ABHD12: variants seen among roughly 807,000 people sequenced by gnomAD.
ABHD12 encodes the protein abhydrolase domain containing 12, lysophospholipase.
A neutral mutation model predicts 58.3 loss-of-function variants in ABHD12; 43 were observed. That is an observed-to-expected ratio of 0.74 (90% CI 0.58 to 0.95). The LOEUF (loss-of-function observed/expected upper bound fraction) is 0.95. Among genes scored for constraint, ABHD12 ranks in the 40% least tolerant of loss-of-function variants. ABHD12 has a pLI of 0.00. For missense variants in ABHD12, 539 were observed against 537.2 expected, an observed-to-expected ratio of 1.00 and a Z score of -0.03; for synonymous variants, 219 against 211.2, an observed-to-expected ratio of 1.04 and a Z score of -0.32.
At chr20:25,386,836 G>A (rs1047594166) in intron 1 of ABHD12, among the ~76,000 whole-genome samples, 4 of 151,948 alleles carry the variant, frequency 2.6e-5, no homozygotes, top group Non-Finnish European at 4.4e-5. Context: ...ACCCGAGATC[G>A]TGCCACTGCA....
At chr20:25,378,660 A>T (rs1345354247) in intron 1 of ABHD12, among the ~76,000 whole-genome samples, 4 of 150,174 alleles carry the variant, frequency 2.7e-5, no homozygotes, top group African/African-American at 9.8e-5. Context: ...TTGTTTGAAG[A>T]CTCCACCAGC....
chr20:25,387,721 C>G (rs1434539475), intron 1 of ABHD12, among the ~76,000 whole-genome samples: 1 of 151,628 alleles, frequency 6.6e-6, no homozygotes, highest in East Asian at 1.9e-4. Context: ...GCCTGGGTGA[C>G]GGAACTTTCT....
intron 1 of ABHD12, among the ~76,000 whole-genome samples, chr20:25,374,655 G>A (rs1263978807): frequency 7.2e-5 from 11 of 152,042 alleles, no homozygotes; most frequent in Non-Finnish European, 2.9e-5. Flanking sequence ...CACCACACCC[G>A]GCTAATTTTG....
chr20:25,308,751 C>G (rs1273772418), intron 7 of ABHD12, among the ~76,000 whole-genome samples: 1 of 152,162 alleles, frequency 6.6e-6, no homozygotes, highest in Non-Finnish European at 1.5e-5. Flanking sequence ...CCTCTCACTG[C>G]CCGTACACTC....
chr20:25,388,308 A>G (rs2090121615), intron 1 of ABHD12, among the ~76,000 whole-genome samples: 1 of 152,234 alleles, frequency 6.6e-6, no homozygotes, highest in African/African-American at 2.4e-5. Context: ...TGTTCATTCA[A>G]CAAGTATTTT....
At chr20:25,360,019 A>G (rs2089723425) in intron 1 of ABHD12, among the ~76,000 whole-genome samples, 1 of 151,846 alleles carries the variant, frequency 6.6e-6, no homozygotes, top group African/African-American at 2.4e-5. Context: ...TACTCTATTC[A>G]TCTTTTTCTT....
Position 25,309,454 on chromosome 20 carries a change from CAG to C in ABHD12, c.739_740del (p.Leu247GlyfsTer14). The C allele has an allele frequency of 6.2e-7, 1 of 1,614,150 alleles. No homozygotes were observed. Among genetic ancestry groups the C allele is most frequent in the Non-Finnish European group, 8.5e-7 (1 of 1,180,018 alleles). On this transcript the variant is annotated frameshift_variant, in exon 7 of 13. Transcript: ENST00000339157. LOFTEE classifies it high-confidence loss of function. ...DNPVYIWGHS[L>X]GTGVATNLVR... is the part of the protein sequence containing the mutation. ...CTGCTGGGGTCCCTTACCCAGTGCC[CAG>C]AGAGTGGCCCCAGATGTACACGGGG...
chr20:25,346,990 A>G (rs2089528335), intron 1 of ABHD12, among the ~76,000 whole-genome samples: 1 of 152,196 alleles, frequency 6.6e-6, no homozygotes, highest in Non-Finnish European at 1.5e-5. Context: ...AATGTTACTC[A>G]TAGCTGTCAA....
intron 1 of ABHD12, among the ~76,000 whole-genome samples, chr20:25,359,411 G>A (rs1417526129): frequency 4.6e-5 from 5 of 107,644 alleles, no homozygotes; most frequent in African/African-American, 7.9e-5. Context: ...GCCACAGAGC[G>A]AGACTCCGTC....
intron 2 of ABHD12, among the ~76,000 whole-genome samples, chr20:25,325,558 G>A (rs961233342): frequency 6.6e-6 from 1 of 152,144 alleles, no homozygotes; most frequent in African/African-American, 2.4e-5. Flanking sequence ...ATGAGAAGAT[G>A]ACCAAGAAGA....
At chr20:25,317,676 G>C (rs1247197013) in intron 4 of ABHD12, among the ~76,000 whole-genome samples, 9 of 152,250 alleles carry the variant, frequency 5.9e-5, no homozygotes, top group Non-Finnish European at 7.3e-5. Context: ...TGAAGTGCCG[G>C]AACGGCTGCC....
chr20:25,328,725 A>C (rs1178958538), intron 2 of ABHD12, among the ~76,000 whole-genome samples: 1 of 152,176 alleles, frequency 6.6e-6, no homozygotes. Flanking sequence ...CATTCCAGGA[A>C]GCCAGTCTTC....
chr20:25,302,194 C>A, intron 12 of ABHD12, 25 bp downstream of exon 12: 1 of 1,612,506 alleles, frequency 6.2e-7, no homozygotes, highest in Non-Finnish European at 8.5e-7. Flanking sequence ...AGACGAAGCC[C>A]CTGGGTGGGA....
At chr20:25,330,421 A>G (rs6037089) in intron 2 of ABHD12, among the ~76,000 whole-genome samples, 3,805 of 152,342 alleles carry the variant, frequency 0.025, 148 homozygotes, top group African/African-American at 0.083. Context: ...TTGCTTAGGT[A>G]AACAAAGCAG....
intron 1 of ABHD12, among the ~76,000 whole-genome samples, chr20:25,383,139 T>C (rs892635048): frequency 6.6e-6 from 1 of 152,138 alleles, no homozygotes; most frequent in Non-Finnish European, 1.5e-5. Flanking sequence ...CAGGGACACT[T>C]AGAGGGTGAG....
rs773039836 is a variant in ABHD12, at chr20:25,390,476, G to GCCCCCCCCCC, written c.191+36_191+37insGGGGGGGGGG. On this transcript the variant is annotated intron_variant, in intron 1 of 12. Coordinates refer to ENST00000339157, the MANE Select transcript of ABHD12 (RefSeq NM_001042472.3). ...ACGCACCTGCGCAAAGTGAGGGACC[G>GCCCCCCCCCC]GCCCCCCCCCCCCCCCCGCTCCGCG... 1.4e-4 allele frequency: 142 copies of GCCCCCCCCCC among 1,035,008 alleles called. 34 individuals carry two copies. Among genetic ancestry groups the GCCCCCCCCCC allele is most frequent in the East Asian group, 9.6e-4 (5 of 5,184 alleles). 64.1% of individuals were successfully genotyped at this position (1,035,008 alleles called of 1,614,324 possible). A position where few individuals can be genotyped will look rare whatever the true frequency, so the allele number is the denominator to read the frequency against.
intron 1 of ABHD12, among the ~76,000 whole-genome samples, chr20:25,386,024 CCGG>C (rs1377595922): frequency 4.0e-5 from 6 of 151,630 alleles, no homozygotes; most frequent in African/African-American, 1.5e-4. Flanking sequence ...TGGCGTGAAC[CCGG>C]GAGGCAAAGC....
In ABHD12 at chr20:25,303,367, G is replaced by A. The variant is rs192049896; in HGVS notation, c.1029+183C>T. ...TACACCAGACCTCCCATGTCCTTCCGAAGCAGCCTGGAGGTGACGCAGGGA... is the reference window on the plus strand; with the variant it reads ...TACACCAGACCTCCCATGTCCTTCCAAAGCAGCCTGGAGGTGACGCAGGGA... On this transcript the variant is annotated intron_variant, in intron 11 of 12. Transcript: ENST00000339157. 1.9e-4 allele frequency: 281 copies of A among 1,498,736 alleles called. No individual in the cohort carries two copies. In the African/African-American group the frequency reaches 3.4e-3, roughly 18 times the overall value. The allele number at this position is 1,498,736 out of a possible 1,614,324, so 92.8% of individuals were successfully genotyped here.
chr20:25,308,351 G>A, intron 8 of ABHD12, 106 bp downstream of exon 8: 1 of 1,426,536 alleles, frequency 7.0e-7, no homozygotes, highest in Non-Finnish European at 9.7e-7. Context: ...CCCAGAATGT[G>A]CAGCTCATGC....
Sources: allele counts gnomAD v4.1 joint callset (sites outside exome capture counted in the v4.1 genomes callset), GRCh38; gene constraint gnomAD v4.1.1; transcripts MANE v1.5; gene names NCBI Gene and HGNC (gene_info 2026-07-23, HGNC 2026-07-21).